The following HMGCLL1 variants were observed in gnomAD, a reference collection of about 807,000 sequenced individuals.
The protein encoded by HMGCLL1 is 3-hydroxy-3-methylglutaryl-CoA lyase like 1.
Under a neutral mutation model 39.1 loss-of-function variants are expected in HMGCLL1, and 36 were observed. The ratio of observed to expected loss-of-function variants is 0.92; its 90% CI spans 0.71 to 1.22. The LOEUF (loss-of-function observed/expected upper bound fraction) is 1.22, where lower values mean the gene tolerates loss of function less well. HMGCLL1 is among the 50% of genes most tolerant of loss of function. The probability of loss-of-function intolerance (pLI) is 0.00; values close to 1 mark genes in which losing one functional copy is unlikely to be tolerated. For synonymous variants in HMGCLL1, 149 were observed against 144.0 expected (o/e 1.03, Z -0.25); for missense variants, 451 against 416.5 (o/e 1.08, Z -0.72).
chr6:55,466,545 T>C (rs1373677995), intron 7 of HMGCLL1, among the ~76,000 whole-genome samples: 2 of 152,100 alleles, frequency 1.3e-5, no homozygotes, highest in African/African-American at 4.8e-5. Context: ...CATGACAACA[T>C]TTGATCATTG....
chr6:55,499,901 C>A (rs983756424), intron 5 of HMGCLL1, among the ~76,000 whole-genome samples: 1 of 151,966 alleles, frequency 6.6e-6, no homozygotes, highest in African/African-American at 2.4e-5. Flanking sequence ...CTATAAGCTT[C>A]TTTTGTAACT....
chr6:55,658,853 A>G, the HMGCLL1 span, among the ~76,000 whole-genome samples: 3 of 151,948 alleles, frequency 2.0e-5, no homozygotes, highest in East Asian at 5.9e-4. Flanking sequence ...TGTAGGTACT[A>G]TAAAGAAGCA....
At chr6:55,655,902 A>G in the HMGCLL1 span, among the ~76,000 whole-genome samples, 2 of 151,974 alleles carry the variant, frequency 1.3e-5, no homozygotes, top group Non-Finnish European at 2.9e-5. Flanking sequence ...TCCTATTTTA[A>G]TGTTCTCCTA....
rs552526340 is a variant in HMGCLL1, at chr6:55,451,548, T to C, written c.796-11989A>G. Among the ~76,000 whole-genome samples the C allele has an allele frequency of 2.0e-5, 3 of 147,924 alleles. No homozygotes were observed. In the East Asian group the frequency reaches 6.0e-4, roughly 30 times the overall value. ...CTGGGCAACAGAGTGAGATTCCATCTCCAAAAAAACAAAAACAAAAACAAA... is the reference window on the plus strand; with the variant it reads ...CTGGGCAACAGAGTGAGATTCCATCCCCAAAAAAACAAAAACAAAAACAAA... On this transcript the variant is annotated intron_variant, in intron 7 of 8. Coordinates refer to ENST00000274901, the MANE Select transcript of HMGCLL1 (RefSeq NM_001042406.2).
At chr6:55,529,217 T>C (rs9296793) in intron 3 of HMGCLL1, among the ~76,000 whole-genome samples, 98,531 of 151,952 alleles carry the variant, frequency 0.65, 32,241 homozygotes, top group Admixed American at 0.71. Flanking sequence ...GTATAATTTT[T>C]TTTCCACTCA....
At chr6:55,473,528 T>C (rs1561901484) in intron 7 of HMGCLL1, among the ~76,000 whole-genome samples, 1 of 151,450 alleles carries the variant, frequency 6.6e-6, no homozygotes, top group Non-Finnish European at 1.5e-5. Flanking sequence ...CCCAAATTCA[T>C]TCCTCCCATA....
At chr6:55,663,949 T>C in the HMGCLL1 span, among the ~76,000 whole-genome samples, 1 of 151,916 alleles carries the variant, frequency 6.6e-6, no homozygotes, top group Non-Finnish European at 1.5e-5. Context: ...GTTTTGATCT[T>C]TGTTTGTTTA....
At chr6:55,644,534 T>G in the HMGCLL1 span, among the ~76,000 whole-genome samples, 1 of 152,076 alleles carries the variant, frequency 6.6e-6, no homozygotes, top group Non-Finnish European at 1.5e-5. Flanking sequence ...GTTTGAGGTT[T>G]CAGATTTATG....
chr6:55,613,396 A>G, the HMGCLL1 span, among the ~76,000 whole-genome samples: 1 of 152,142 alleles, frequency 6.6e-6, no homozygotes, highest in Admixed American at 6.6e-5. Context: ...CGATTCCTCA[A>G]GGATCTAGAA....
At chr6:55,675,027 T>C in the HMGCLL1 span, among the ~76,000 whole-genome samples, 1 of 152,124 alleles carries the variant, frequency 6.6e-6, no homozygotes. Context: ...TGATACATGC[T>C]GGAAGAAGGA....
rs1370237635 is a variant in HMGCLL1, at chr6:55,477,210, AT to A, written c.795+18208del. On this transcript the variant is annotated intron_variant, in intron 7 of 8. Transcript: ENST00000274901. ...ATATATTATATATTATATAATATAT[AT>A]TATATTATAATATATAATATATATT... is the stretch of plus-strand genomic sequence containing the variant. 3.5e-3 allele frequency among the ~76,000 whole-genome samples: 71 copies of A among 20,470 alleles called. 4 individuals carry two copies. Among genetic ancestry groups the A allele is most frequent in the Non-Finnish European group, 4.3e-3 (62 of 14,484 alleles). The allele number at this position is 20,470 out of a possible 152,430, so 13.4% of individuals were successfully genotyped here. A position where few individuals can be genotyped will look rare whatever the true frequency, so the allele number is the denominator to read the frequency against.
the HMGCLL1 span, among the ~76,000 whole-genome samples, chr6:55,595,031 T>C: frequency 6.6e-6 from 1 of 152,204 alleles, no homozygotes; most frequent in African/African-American, 2.4e-5. Context: ...CGTACAATAT[T>C]TCAATGACAA....
At chr6:55,627,215 T>C in the HMGCLL1 span, among the ~76,000 whole-genome samples, 1 of 152,144 alleles carries the variant, frequency 6.6e-6, no homozygotes, top group Non-Finnish European at 1.5e-5. Flanking sequence ...CCTCCTTCTT[T>C]TGTTGAAAAC....
intron 7 of HMGCLL1, among the ~76,000 whole-genome samples, chr6:55,475,662 C>T (rs892667502): frequency 2.0e-5 from 3 of 151,680 alleles, no homozygotes; most frequent in African/African-American, 7.2e-5. Context: ...TGTAATATAG[C>T]CTGTTTATCA....
At chr6:55,540,418 T>C (rs1769357284) in intron 3 of HMGCLL1, among the ~76,000 whole-genome samples, 1 of 152,090 alleles carries the variant, frequency 6.6e-6, no homozygotes, top group African/African-American at 2.4e-5. Flanking sequence ...CTCTCATGAA[T>C]GGCATTAGTA....
chr6:55,615,987 A>C, the HMGCLL1 span, among the ~76,000 whole-genome samples: 3 of 152,110 alleles, frequency 2.0e-5, no homozygotes, highest in Non-Finnish European at 4.4e-5. Flanking sequence ...TTCCCTTAAA[A>C]TTTTATTCCT....
intron 3 of HMGCLL1, among the ~76,000 whole-genome samples, chr6:55,538,829 T>C (rs969155169): frequency 4.0e-5 from 6 of 150,640 alleles, no homozygotes; most frequent in Admixed American, 1.3e-4. Flanking sequence ...ACAAAATATA[T>C]ACACATACAC....
intron 7 of HMGCLL1, among the ~76,000 whole-genome samples, chr6:55,467,296 A>T (rs940144970): frequency 2.0e-5 from 3 of 152,078 alleles, no homozygotes; most frequent in African/African-American, 7.2e-5. Context: ...GTAATACAAA[A>T]TATATTTTTT....
At chr6:55,666,600 A>G in the HMGCLL1 span, among the ~76,000 whole-genome samples, 1 of 151,580 alleles carries the variant, frequency 6.6e-6, no homozygotes, top group East Asian at 1.9e-4. Context: ...TCATAGCGGG[A>G]CTCATTTATT....
Sources: allele counts gnomAD v4.1 joint callset (sites outside exome capture counted in the v4.1 genomes callset), GRCh38; gene constraint gnomAD v4.1.1; transcripts MANE v1.5; gene names NCBI Gene and HGNC (gene_info 2026-07-23, HGNC 2026-07-21).